Variants in SIAH3 observed in about 807,000 individuals in gnomAD.
SIAH3 encodes the protein siah E3 ubiquitin protein ligase family member 3.
Under a neutral mutation model 12.6 loss-of-function variants are expected in SIAH3, and 9 were observed. That is an observed-to-expected ratio of 0.72 (90% confidence interval 0.43 to 1.25). SIAH3 has a LOEUF of 1.25. SIAH3 is among the 50% of genes most tolerant of loss of function. The pLI, the probability that SIAH3 is intolerant of heterozygous loss-of-function variation, is 0.00. For missense variants in SIAH3, 390 were observed against 365.4 expected (o/e 1.07, Z -0.55); for synonymous variants, 154 against 151.1 (o/e 1.02, Z -0.14).
rs1950489268 is a variant in SIAH3, at chr13:45,777,672, T to G, written c.*5711A>C. On this transcript the variant is annotated 3_prime_UTR_variant, in exon 2 of 2. Transcript: ENST00000400405. ...AACTCACCAATTCCTGAAGAAAATC[T>G]TATGAACAAAAAAATCTGAAATTTA... 6.6e-6 allele frequency: 1 copy of G among 152,318 alleles called. No individual in the cohort carries two copies. Among genetic ancestry groups the G allele is most frequent in the African/African-American group, 2.4e-5 (1 of 41,570 alleles). The allele number at this position is 152,318 out of a possible 1,614,324, so 9.4% of individuals were successfully genotyped here.
At chr13:45,808,322 T>G (rs1319808195) in intron 1 of SIAH3, among the ~76,000 whole-genome samples, 2 of 152,236 alleles carry the variant, frequency 1.3e-5, no homozygotes, top group African/African-American at 4.8e-5. Flanking sequence ...CTAAGACTAT[T>G]ATCCAACTCA....
chr13:45,779,706 A>G lies in SIAH3; in HGVS notation c.*3677T>C, dbSNP rs550368478. The G allele has an allele frequency of 2.0e-5, 3 of 152,214 alleles. No individual in the cohort carries two copies. The highest frequency in any genetic ancestry group is 2.4e-5 in the African/African-American group (1 of 41,444). The allele number at this position is 152,214 out of a possible 1,614,324, so 9.4% of individuals were successfully genotyped here. A position where few individuals can be genotyped will look rare whatever the true frequency, so the allele number is the denominator to read the frequency against. On this transcript the variant is annotated 3_prime_UTR_variant, in exon 2 of 2. Transcript: ENST00000400405. ...TGTTATGGGGATTACATGATCTACT[A>G]TATTCAAAGTACGCAGCCTACTGGA...
intron 1 of SIAH3, among the ~76,000 whole-genome samples, chr13:45,810,831 G>A (rs1303773044): frequency 6.6e-6 from 1 of 152,184 alleles, no homozygotes. Flanking sequence ...CTTTTAGTGA[G>A]AAAGAGTGTC....
rs1950496877 is a variant in SIAH3, at chr13:45,779,761, C to T, written c.*3622G>A. On this transcript the variant is annotated 3_prime_UTR_variant, in exon 2 of 2. Transcript: ENST00000400405. ...ATAGAAAAGCCTCAATAAGTGGTAG[C>T]CATGAGTACTATTATGGTTACTATG... 1 of 152,214 alleles carries T rather than the reference C, an allele frequency of 6.6e-6. No homozygotes were observed. Among genetic ancestry groups the T allele is most frequent in the Admixed American group, 6.5e-5 (1 of 15,284 alleles). 9.4% of individuals were successfully genotyped at this position (152,214 alleles called of 1,614,324 possible). A position where few individuals can be genotyped will look rare whatever the true frequency, so the allele number is the denominator to read the frequency against.
chr13:45,789,371 T>TCTAC (rs2137550341), intron 1 of SIAH3, among the ~76,000 whole-genome samples: 1 of 33,626 alleles, frequency 3.0e-5, no homozygotes, highest in South Asian at 1.6e-3. Flanking sequence ...TATCTATCTA[T>TCTAC]CTATCTATCT....
At chr13:45,792,817 A>C (rs1406623273) in intron 1 of SIAH3, among the ~76,000 whole-genome samples, 1 of 152,212 alleles carries the variant, frequency 6.6e-6, no homozygotes, top group African/African-American at 2.4e-5. Context: ...TAGTCAAACC[A>C]CATACAGGAA....
At chr13:45,840,725 G>C (rs1271800262) in intron 1 of SIAH3, among the ~76,000 whole-genome samples, 1 of 152,208 alleles carries the variant, frequency 6.6e-6, no homozygotes. Flanking sequence ...CAGGGTCCCA[G>C]CTCAGCGTTT....
At chr13:45,791,738 C>G (rs1950546304) in intron 1 of SIAH3, among the ~76,000 whole-genome samples, 1 of 152,196 alleles carries the variant, frequency 6.6e-6, no homozygotes, top group Non-Finnish European at 1.5e-5. Context: ...ACTGAGATTA[C>G]TTGATGCTTC....
At chr13:45,824,047 A>C (rs1950665221) in intron 1 of SIAH3, among the ~76,000 whole-genome samples, 1 of 152,244 alleles carries the variant, frequency 6.6e-6, no homozygotes, top group Admixed American at 6.5e-5. Context: ...CATAGTACCA[A>C]ATAGTCTACA....
At chr13:45,847,184 A>G (rs1440224661) in intron 1 of SIAH3, among the ~76,000 whole-genome samples, 1 of 152,164 alleles carries the variant, frequency 6.6e-6, no homozygotes, top group Admixed American at 6.5e-5. Flanking sequence ...TAACCCACAT[A>G]CCAGCTATTA....
At chr13:45,813,376 C>T (rs536142007) in intron 1 of SIAH3, among the ~76,000 whole-genome samples, 1 of 152,244 alleles carries the variant, frequency 6.6e-6, no homozygotes, top group African/African-American at 2.4e-5. Context: ...AAAGGAAAAG[C>T]CCAAGACTTG....
intron 1 of SIAH3, among the ~76,000 whole-genome samples, chr13:45,807,696 G>A (rs947396096): frequency 2.0e-5 from 3 of 152,170 alleles, no homozygotes; most frequent in African/African-American, 7.2e-5. Flanking sequence ...CCAATGACTG[G>A]ACACCAGATG....
chr13:45,808,755 G>T (rs1185434529), intron 1 of SIAH3, among the ~76,000 whole-genome samples: 3 of 151,868 alleles, frequency 2.0e-5, no homozygotes, highest in East Asian at 3.8e-4. Flanking sequence ...CCCAAAACTT[G>T]GACTCAACAC....
intron 1 of SIAH3, among the ~76,000 whole-genome samples, chr13:45,827,540 G>A (rs1314015649): frequency 3.3e-5 from 5 of 152,166 alleles, no homozygotes; most frequent in African/African-American, 1.2e-4. Flanking sequence ...GCCAGTCCAG[G>A]AGGTCACAGA....
intron 1 of SIAH3, among the ~76,000 whole-genome samples, chr13:45,841,225 G>T (rs2065466586): frequency 6.6e-6 from 1 of 152,198 alleles, no homozygotes; most frequent in South Asian, 2.1e-4. Context: ...TTAGATCCGA[G>T]AGGCCATGAA....
intron 1 of SIAH3, among the ~76,000 whole-genome samples, chr13:45,801,093 G>A (rs1032103648): frequency 4.1e-5 from 2 of 48,762 alleles, no homozygotes; most frequent in Non-Finnish European, 1.2e-4. Context: ...AGTGATGGGT[G>A]GCGGGGGGGG....
In SIAH3 at chr13:45,783,942, T is replaced by C. The variant is rs371722058; in HGVS notation, c.251A>G (p.His84Arg). The change falls in exon 2 of 2, where the codon CAC becomes CGC. Residue 84 changes from histidine (H) to arginine (R), a missense_variant. Coordinates refer to ENST00000400405, the MANE Select transcript of SIAH3 (RefSeq NM_198849.3). ...HHRHHHHLRH[H>R]AHPHHLHHQE... is the part of the protein sequence containing the mutation. ...GTGGTGAAGGTGGTGGGGGTGGGCG[T>C]GGTGGCGGAGGTGGTGGTGGTGGCG... The C allele has an allele frequency of 4.2e-5, 67 of 1,605,728 alleles. No homozygotes were observed. Among genetic ancestry groups the C allele is most frequent in the Non-Finnish European group, 5.3e-5 (62 of 1,176,712 alleles).
At chr13:45,826,495 GGGTGGATA>G (rs1950677939) in intron 1 of SIAH3, among the ~76,000 whole-genome samples, 2 of 151,040 alleles carry the variant, frequency 1.3e-5, no homozygotes, top group African/African-American at 2.4e-5. Flanking sequence ...ATGGATGGGT[GGGTGGATA>G]GATGGATGGA....
intron 1 of SIAH3, among the ~76,000 whole-genome samples, chr13:45,789,774 A>G (rs1414760986): frequency 6.6e-6 from 1 of 152,162 alleles, no homozygotes. Flanking sequence ...TCAAACATCA[A>G]GGTAATCACC....
Sources: gnomAD v4.1 joint callset for allele counts (sites outside exome capture counted in the v4.1 genomes callset) on GRCh38, gnomAD v4.1.1 for gene constraint, MANE v1.5 for transcripts, NCBI Gene and HGNC (gene_info 2026-07-23, HGNC 2026-07-21) for gene names.